The following BTD variants were observed in gnomAD, a reference collection of about 807,000 sequenced individuals.
The protein encoded by BTD is biotinidase, also known as biocytinase.
In BTD, 13 loss-of-function variants were observed where a neutral mutation model predicts 17.7. The observed-to-expected ratio is 0.74, with a 90% CI of 0.48 to 1.17. BTD has a LOEUF of 1.17. Among genes scored for constraint, BTD ranks in the 50% most tolerant of loss-of-function variants. The pLI is 0.00. For synonymous variants in BTD, 240 were observed against 245.2 expected, an observed-to-expected ratio of 0.98 and a Z score of 0.20; for missense variants, 674 against 650.4, an observed-to-expected ratio of 1.04 and a Z score of -0.39.
chr3:15,602,304 C>T (rs1219978487), intron 1 of BTD: 4 of 1,158,344 alleles, frequency 3.5e-6, no homozygotes, highest in Non-Finnish European at 4.3e-6. Flanking sequence ...AAAAGAGCAC[C>T]TTGAAGGTAG....
At position 15,652,387 on chromosome 3, in the gene BTD, C is replaced by T. The variant is rs918509458; in HGVS notation, c.*6899C>T. Reference sequence around the variant, plus strand: ...CTCACTTGCTATCTTGGGTCCCTCCCTCTGGGGAAAGCCAGTTGCCATCTC... The same window carrying T: ...CTCACTTGCTATCTTGGGTCCCTCCTTCTGGGGAAAGCCAGTTGCCATCTC... On this transcript the variant is annotated 3_prime_UTR_variant, in exon 4 of 4. Coordinates refer to ENST00000643237, the MANE Select transcript of BTD (RefSeq NM_001370658.1). Among the ~76,000 whole-genome samples, 7 of 152,032 alleles carry T rather than the reference C, an allele frequency of 4.6e-5. No individual in the cohort carries two copies. The highest frequency in any genetic ancestry group is 6.5e-5 in the Admixed American group (1 of 15,268).
At chr3:15,671,679 G>A (rs759735304) in intron 3 of BTD, among the ~76,000 whole-genome samples, 1 of 151,330 alleles carries the variant, frequency 6.6e-6, no homozygotes, top group African/African-American at 2.4e-5. Flanking sequence ...TGCCTCCTGG[G>A]TTCAAGTGAT....
rs923499928 is a variant in BTD at position 15,648,647 on chromosome 3, A to G, written c.*3159A>G. On this transcript the variant is annotated 3_prime_UTR_variant, in exon 4 of 4. Transcript: ENST00000643237. ...GAAGGCCTCACTGGATTTGGAGAAT[A>G]TTATTGATTAAATTGCGTCTTCCCC... Among the ~76,000 whole-genome samples the G allele has an allele frequency of 6.6e-5, 10 of 152,236 alleles. No homozygotes were observed. Among genetic ancestry groups the G allele is most frequent in the Admixed American group, 6.5e-4 (10 of 15,284 alleles).
intron 2 of BTD, among the ~76,000 whole-genome samples, chr3:15,638,155 A>T (rs1352086452): frequency 3.3e-5 from 5 of 152,218 alleles, no homozygotes; most frequent in Non-Finnish European, 1.5e-5. Flanking sequence ...CATACAGAAA[A>T]ACCTTACATA....
At chr3:15,658,083 G>A (rs375721647), downstream of BTD, among the ~76,000 whole-genome samples, 4 of 151,466 alleles carry the variant, frequency 2.6e-5, no homozygotes, top group African/African-American at 7.3e-5. Context: ...CAGGAGAATC[G>A]CTTGAACCGG....
intron 1 of BTD, among the ~76,000 whole-genome samples, chr3:15,631,246 G>A (rs1038939792): frequency 1.3e-5 from 2 of 152,166 alleles, no homozygotes; most frequent in South Asian, 2.1e-4. Context: ...CATCTCCTCT[G>A]CCAACTTTTC....
chr3:15,686,359 A>T (rs1473810890), intron 3 of BTD: 13 of 1,384,208 alleles, frequency 9.4e-6, no homozygotes, highest in Non-Finnish European at 1.3e-5. Flanking sequence ...ATGATAAAAT[A>T]GAAAATGTCC....
intron 1 of BTD, among the ~76,000 whole-genome samples, chr3:15,631,896 G>A (rs922600607): frequency 2.0e-5 from 3 of 152,338 alleles, no homozygotes; most frequent in Middle Eastern, 6.8e-3. Flanking sequence ...AGTCCAGAAT[G>A]GAAGAGGATG....
chr3:15,616,225 G>T (rs1189550791), intron 1 of BTD, among the ~76,000 whole-genome samples: 1 of 152,182 alleles, frequency 6.6e-6, no homozygotes, highest in Non-Finnish European at 1.5e-5. Context: ...AAAATGCCAA[G>T]CTGTCTTCCA....
intron 1 of BTD, chr3:15,602,242 A>G: frequency 7.7e-7 from 1 of 1,291,302 alleles, no homozygotes; most frequent in Non-Finnish European, 9.8e-7. Context: ...CGTGCCTGAG[A>G]TCCTGAATCC....
At chr3:15,637,937 A>G (rs1240845029) in intron 2 of BTD, among the ~76,000 whole-genome samples, 1 of 152,238 alleles carries the variant, frequency 6.6e-6, no homozygotes, top group Non-Finnish European at 1.5e-5. Context: ...TTTGTTTTCC[A>G]GGGGCCAGGA....
chr3:15,640,733 C>T (rs921747863), intron 2 of BTD, among the ~76,000 whole-genome samples: 1 of 151,966 alleles, frequency 6.6e-6, no homozygotes, highest in Non-Finnish European at 1.5e-5. Flanking sequence ...AGATGTAAAA[C>T]CATATATTTA....
chr3:15,648,167 G>A lies in BTD; in HGVS notation c.*2679G>A, dbSNP rs971612035. Among the ~76,000 whole-genome samples the A allele has an allele frequency of 1.3e-5, 2 of 152,236 alleles. No individual in the cohort carries two copies. The highest frequency in any genetic ancestry group is 2.4e-5 in the African/African-American group (1 of 41,456). ...ACAGAAGATCTCCTCAGAGAGGACC[G>A]ATGGTGAGTCGGCCGCTCTTGATTC... On this transcript the variant is annotated 3_prime_UTR_variant, in exon 4 of 4. Transcript: ENST00000643237.
rs2065777515 is a variant in BTD at position 15,650,110 on chromosome 3, C to T, written c.*4622C>T. 6.6e-6 allele frequency among the ~76,000 whole-genome samples: 1 copy of T among 152,232 alleles called. No homozygotes were observed. The highest frequency in any genetic ancestry group is 6.5e-5 in the Admixed American group (1 of 15,278). ...CATCTTTTGTCTCTGCAGCGTTCAG[C>T]ATGGCACTGTCTTGGCTTACAAAAT... On this transcript the variant is annotated 3_prime_UTR_variant, in exon 4 of 4. Coordinates refer to ENST00000643237, the MANE Select transcript of BTD (RefSeq NM_001370658.1).
chr3:15,607,374 AT>A (rs779459912), intron 1 of BTD, among the ~76,000 whole-genome samples: 9 of 152,328 alleles, frequency 5.9e-5, no homozygotes, highest in Middle Eastern at 3.4e-3. Context: ...TGGATTTGAG[AT>A]TATGAAAAAG....
At chr3:15,704,723 A>C (rs1575265239) in intron 3 of BTD, among the ~76,000 whole-genome samples, 1 of 152,162 alleles carries the variant, frequency 6.6e-6, no homozygotes, top group East Asian at 1.9e-4. Flanking sequence ...CAATTTAAGA[A>C]AAATAAATCC....
At chr3:15,680,993 T>C (rs891672550) in intron 3 of BTD, among the ~76,000 whole-genome samples, 1 of 152,166 alleles carries the variant, frequency 6.6e-6, no homozygotes, top group African/African-American at 2.4e-5. Context: ...GGAAGTATTT[T>C]TGTAGGACAA....
intron 1 of BTD, among the ~76,000 whole-genome samples, chr3:15,613,886 G>C (rs563583542): frequency 1.3e-3 from 192 of 152,094 alleles, no homozygotes; most frequent in African/African-American, 4.5e-3. Context: ...AAAGTCTGCT[G>C]TTTTCAAATC....
chr3:15,645,427 G>C lies in BTD; in HGVS notation c.1511G>C (p.Ser504Thr). The C allele has an allele frequency of 6.2e-7, 1 of 1,613,928 alleles. No individual in the cohort carries two copies. The stretch of plus-strand genomic sequence containing the variant: ...AATGACCACTATTTCCTGAGGAAAA[G>C]TAGGCTGTCCTCTGGGCTGGTGACG... ...WENDHYFLRKSRLSSGLVTAA... is the reference protein window; with the variant it reads ...WENDHYFLRKTRLSSGLVTAA... Residue 504 changes from serine (S) to threonine (T), a missense_variant, in exon 4 of 4, where the codon AGT becomes ACT. Transcript: ENST00000643237.
Sources: allele counts gnomAD v4.1 joint callset (sites outside exome capture counted in the v4.1 genomes callset), GRCh38; gene constraint gnomAD v4.1.1; transcripts MANE v1.5; gene names NCBI Gene and HGNC (gene_info 2026-07-23, HGNC 2026-07-21).